Variants in PDZRN3 observed in about 807,000 individuals in gnomAD.
PDZRN3 encodes E3 ubiquitin-protein ligase PDZRN3.
In PDZRN3, 38 loss-of-function variants were observed where a neutral mutation model predicts 85.7. The ratio of observed to expected loss-of-function variants is 0.44; its 90% CI spans 0.34 to 0.58. PDZRN3 has a LOEUF of 0.58. Ranked by LOEUF, PDZRN3 falls within the 20% of genes least tolerant of loss-of-function variation. PDZRN3 has a pLI of 0.01. For missense variants in PDZRN3, 1,629 were observed against 1,506.4 expected, an observed-to-expected ratio of 1.08 and a Z score of -1.35; for synonymous variants, 759 against 638.0, an observed-to-expected ratio of 1.19 and a Z score of -2.86.
intron 3 of PDZRN3, among the ~76,000 whole-genome samples, chr3:73,498,434 A>C (rs183212874): frequency 3.9e-4 from 59 of 152,286 alleles, no homozygotes; most frequent in East Asian, 2.3e-3. Context: ...GAGTTAAACA[A>C]CACCACCTAG....
At chr3:73,600,304 AACACAC>A (rs35396413) in intron 3 of PDZRN3, among the ~76,000 whole-genome samples, 12 of 124,494 alleles carry the variant, frequency 9.6e-5, no homozygotes, top group African/African-American at 1.6e-4. Flanking sequence ...TTAGTAATGA[AACACAC>A]ACACACACAC....
rs1702941008 is a variant in PDZRN3 at position 73,624,677 on chromosome 3, C to T, written c.149G>A (p.Gly50Asp). 3 of 1,525,864 alleles carry T rather than the reference C, an allele frequency of 2.0e-6. No individual in the cohort carries two copies. Among genetic ancestry groups the T allele is most frequent in the African/African-American group, 2.9e-5 (2 of 70,174 alleles). 94.5% of individuals were successfully genotyped at this position (1,525,864 alleles called of 1,614,324 possible). ...GCVLPWVVQE[G>D]SCPARCRGRL... Reference sequence around the variant, plus strand: ...ACCGCGGCAGCGCGCCGGGCAGCTGCCCTCCTGCACCACCCAGGGCAGCAC... The same window carrying T: ...ACCGCGGCAGCGCGCCGGGCAGCTGTCCTCCTGCACCACCCAGGGCAGCAC... The change falls in exon 1 of 10, where the codon GGC becomes GAC. Residue 50 changes from glycine (G) to aspartate (D), a missense_variant. Physicochemically the swap from Gly to Asp is moderately conservative, Grantham distance 94. Coordinates refer to ENST00000263666, the MANE Select transcript of PDZRN3 (RefSeq NM_015009.3).
Position 73,624,435 on chromosome 3 carries a change from G to A in PDZRN3, c.391C>T (p.Arg131Cys), listed in dbSNP as rs1181719155. 6.8e-6 allele frequency: 9 copies of A among 1,329,798 alleles called. No individual in the cohort carries two copies. The highest frequency in any genetic ancestry group is 8.2e-5 in the Admixed American group (2 of 24,288). 82.4% of individuals were successfully genotyped at this position (1,329,798 alleles called of 1,614,324 possible). A position where few individuals can be genotyped will look rare whatever the true frequency, so the allele number is the denominator to read the frequency against. The stretch of plus-strand genomic sequence containing the variant: ...ACTGGCCGCGCGTCGCAGGCGTCGC[G>A]CATGTGCGCCTCCACGTCGCGCCGC... ...LLRRDVEAHM[R>C]DACDARPVGR... Residue 131 changes from arginine (R) to cysteine (C), a missense_variant, in exon 1 of 10, where the codon CGC becomes TGC. Coordinates refer to ENST00000263666, the MANE Select transcript of PDZRN3 (RefSeq NM_015009.3).
In PDZRN3 at chr3:73,624,207, G is replaced by A; in HGVS notation, c.619C>T (p.Leu207Phe). 1 of 1,488,830 alleles carries A rather than the reference G, an allele frequency of 6.7e-7. No individual in the cohort carries two copies. The highest frequency in any genetic ancestry group is 8.9e-7 in the Non-Finnish European group (1 of 1,125,926). The allele number at this position is 1,488,830 out of a possible 1,614,324, so 92.2% of individuals were successfully genotyped here. The stretch of plus-strand genomic sequence containing the variant: ...CGCAGCGCGGTCATCTGCAGCTCAA[G>A]CTGCGCCGCGGCCAGCTGGGCCACC... ...SLVAQLAAAQ[L>F]ELQMTALRYQ... Residue 207 changes from leucine to phenylalanine, a missense_variant, in exon 1 of 10, where the codon CTT becomes TTT. Coordinates refer to ENST00000263666, the MANE Select transcript of PDZRN3 (RefSeq NM_015009.3).
At chr3:73,596,629 A>T (rs1702434220) in intron 3 of PDZRN3, among the ~76,000 whole-genome samples, 2 of 152,218 alleles carry the variant, frequency 1.3e-5, no homozygotes, top group South Asian at 4.1e-4. Flanking sequence ...TATGACCTGG[A>T]TCCATCCATG....
chr3:73,544,761 T>C (rs1701383911), intron 3 of PDZRN3, among the ~76,000 whole-genome samples: 1 of 152,148 alleles, frequency 6.6e-6, no homozygotes, highest in Non-Finnish European at 1.5e-5. Context: ...TATAAAATCA[T>C]GTGCTTTTCT....
At chr3:73,593,560 C>T (rs4677311) in intron 3 of PDZRN3, among the ~76,000 whole-genome samples, 105,198 of 152,044 alleles carry the variant, frequency 0.69, 37,040 homozygotes, top group African/African-American at 0.83. Flanking sequence ...CCATACCTGG[C>T]GCCATATGCT....
intron 3 of PDZRN3, among the ~76,000 whole-genome samples, chr3:73,412,356 A>G (rs1240515223): frequency 6.6e-6 from 1 of 152,230 alleles, no homozygotes; most frequent in Non-Finnish European, 1.5e-5. Flanking sequence ...GGCTGGCTAC[A>G]ATAAAATTTC....
chr3:73,443,292 G>A (rs1271003772), intron 3 of PDZRN3, among the ~76,000 whole-genome samples: 4 of 152,032 alleles, frequency 2.6e-5, no homozygotes, highest in East Asian at 3.9e-4. Context: ...CTCTAAGTTC[G>A]CAGATGGCTT....
Position 73,560,546 on chromosome 3 carries a change from T to A in PDZRN3, c.918+41808A>T, listed in dbSNP as rs151218196. 1.0e-3 allele frequency among the ~76,000 whole-genome samples: 155 copies of A among 152,362 alleles called. 2 individuals are homozygous for A. The highest frequency in any genetic ancestry group is 3.6e-3 in the African/African-American group (148 of 41,586). On this transcript the variant is annotated intron_variant, in intron 3 of 9. Transcript: ENST00000263666. ...TTAAATATACCTGCTCAATGGCATG[T>A]CAGACACATTTTGCTCCATTGAGAA... is the stretch of plus-strand genomic sequence containing the variant.
intron 3 of PDZRN3, among the ~76,000 whole-genome samples, chr3:73,472,265 C>A (rs1000244242): frequency 1.3e-5 from 2 of 152,184 alleles, no homozygotes; most frequent in Non-Finnish European, 2.9e-5. Context: ...GGCTCACCCA[C>A]GTCATTTGTC....
intron 3 of PDZRN3, among the ~76,000 whole-genome samples, chr3:73,466,633 A>C (rs546134993): frequency 6.6e-6 from 1 of 152,276 alleles, no homozygotes; most frequent in South Asian, 2.1e-4. Context: ...AACTAGCAAC[A>C]ATTCTGGGTT....
At chr3:73,448,856 C>T (rs1027730240) in intron 3 of PDZRN3, among the ~76,000 whole-genome samples, 3 of 152,124 alleles carry the variant, frequency 2.0e-5, no homozygotes, top group South Asian at 2.1e-4. Flanking sequence ...ACTTGTGGCA[C>T]GAAAGTCAGG....
At chr3:73,390,626 GAAA>G (rs113568549) in intron 6 of PDZRN3, among the ~76,000 whole-genome samples, 2 of 110,102 alleles carry the variant, frequency 1.8e-5, no homozygotes, top group Non-Finnish European at 3.9e-5. Flanking sequence ...TCCACCAAGA[GAAA>G]AAAAAATGTG....
At chr3:73,523,740 C>A (rs1352820982) in intron 3 of PDZRN3, among the ~76,000 whole-genome samples, 1 of 152,170 alleles carries the variant, frequency 6.6e-6, no homozygotes, top group African/African-American at 2.4e-5. Flanking sequence ...CAAGCATCAA[C>A]CTCAGTGTTA....
At chr3:73,406,922 A>C (rs1296270689) in intron 3 of PDZRN3, among the ~76,000 whole-genome samples, 1 of 152,230 alleles carries the variant, frequency 6.6e-6, no homozygotes, top group African/African-American at 2.4e-5. Flanking sequence ...ACACTAGAGC[A>C]GGCAATGTCA....
chr3:73,386,225 A>ATTTTTTTTTTTTTT (rs1576018763), intron 8 of PDZRN3, among the ~76,000 whole-genome samples: 3 of 38,644 alleles, frequency 7.8e-5, no homozygotes, highest in East Asian at 1.3e-3. Context: ...GCAAGATATC[A>ATTTTTTTTTTTTTT]CTTTTTTTTT....
chr3:73,389,154 G>A (rs980035910), intron 7 of PDZRN3, among the ~76,000 whole-genome samples: 10 of 151,868 alleles, frequency 6.6e-5, no homozygotes, highest in Non-Finnish European at 8.8e-5. Context: ...GAGAGGATAC[G>A]GATGAGAAGA....
At chr3:73,473,886 G>A (rs1295089855) in intron 3 of PDZRN3, among the ~76,000 whole-genome samples, 1 of 152,168 alleles carries the variant, frequency 6.6e-6, no homozygotes, top group Non-Finnish European at 1.5e-5. Context: ...AACCACTCGG[G>A]TGAGCCACTC....
Sources: allele counts gnomAD v4.1 joint callset (sites outside exome capture counted in the v4.1 genomes callset), GRCh38; gene constraint gnomAD v4.1.1; transcripts MANE v1.5; gene names NCBI Gene and HGNC (gene_info 2026-07-23, HGNC 2026-07-21).